Variants in LRRC7 observed in about 807,000 individuals in gnomAD.
LRRC7 encodes leucine rich repeat containing 7, also known as leucine-rich repeat-containing protein 7.
LRRC7 carries 23 observed loss-of-function variants against 175.7 expected under a neutral mutation model. The observed-to-expected ratio is 0.13, with a 90% CI of 0.09 to 0.19. The LOEUF (loss-of-function observed/expected upper bound fraction) is 0.19. Among genes scored for constraint, LRRC7 ranks in the 10% least tolerant of loss-of-function variants. The pLI, the probability that LRRC7 is intolerant of heterozygous loss-of-function variation, is 1.00. For missense variants in LRRC7, 1,354 were observed against 1,904.7 expected (o/e 0.71, Z 5.38); for synonymous variants, 685 against 680.9 (o/e 1.01, Z -0.09).
At chr1:70,106,618 TAAG>T (rs1262211332) in intron 25 of LRRC7, among the ~76,000 whole-genome samples, 1 of 152,204 alleles carries the variant, frequency 6.6e-6, no homozygotes, top group East Asian at 1.9e-4. Flanking sequence ...CTGAAATTAG[TAAG>T]AAGGTTTATG....
intron 2 of LRRC7, among the ~76,000 whole-genome samples, chr1:69,731,835 A>C (rs971792730): frequency 2.0e-5 from 3 of 152,212 alleles, no homozygotes; most frequent in African/African-American, 7.2e-5. Context: ...ATAAGCACTT[A>C]TGAAATAGGA....
At chr1:69,774,428 A>G (rs1672585471) in intron 3 of LRRC7, among the ~76,000 whole-genome samples, 1 of 152,230 alleles carries the variant, frequency 6.6e-6, no homozygotes, top group Admixed American at 6.5e-5. Context: ...TGAGTAGCAT[A>G]TACATAGGAT....
At chr1:69,801,754 T>C (rs922657298) in intron 4 of LRRC7, among the ~76,000 whole-genome samples, 5 of 151,418 alleles carry the variant, frequency 3.3e-5, no homozygotes, top group African/African-American at 9.7e-5. Context: ...TTTCTTGTGC[T>C]GTGTATTTGG....
chr1:69,856,952 G>C (rs1475290041), intron 7 of LRRC7, among the ~76,000 whole-genome samples: 1 of 152,072 alleles, frequency 6.6e-6, no homozygotes, highest in South Asian at 2.1e-4. Flanking sequence ...CGCAAGGCTG[G>C]TTCAACATAC....
chr1:70,100,947 C>T (rs767091342), intron 25 of LRRC7, among the ~76,000 whole-genome samples: 8 of 152,112 alleles, frequency 5.3e-5, no homozygotes, highest in African/African-American at 9.7e-5. Context: ...TTTGTCATCA[C>T]ACTTTTGATT....
intron 23 of LRRC7, among the ~76,000 whole-genome samples, chr1:70,059,474 A>ATGTGTGTGTGTGTGTGT: frequency 1.5e-5 from 2 of 132,290 alleles, no homozygotes; most frequent in South Asian, 5.5e-4. Context: ...ACTAGAAGAA[A>ATGTGTGTGTGTGTGTGT]GTGTGTGTGT....
At chr1:69,747,450 A>G (rs1669378319) in intron 2 of LRRC7, among the ~76,000 whole-genome samples, 1 of 152,144 alleles carries the variant, frequency 6.6e-6, no homozygotes, top group Non-Finnish European at 1.5e-5. Flanking sequence ...TAGTGAAGAT[A>G]GCAGAGAGCC....
intron 3 of LRRC7, among the ~76,000 whole-genome samples, chr1:69,782,404 G>A (rs1403818585): frequency 1.3e-5 from 2 of 152,210 alleles, no homozygotes; most frequent in Non-Finnish European, 2.9e-5. Context: ...TATGCAGGTG[G>A]AGCATGTAAA....
chr1:70,097,499 T>C (rs1215325759), intron 25 of LRRC7, among the ~76,000 whole-genome samples: 3 of 152,294 alleles, frequency 2.0e-5, no homozygotes, highest in East Asian at 3.9e-4. Context: ...TTAGGGTACA[T>C]GTGCACATTG....
chr1:69,626,026 A>ATGTT (rs112268250), intron 1 of LRRC7, among the ~76,000 whole-genome samples: 39 of 152,200 alleles, frequency 2.6e-4, no homozygotes, highest in Admixed American at 1.2e-3. Context: ...ATTTCTCACT[A>ATGTT]TGTAAATGAT....
At chr1:69,808,650 T>C (rs983471881) in intron 4 of LRRC7, among the ~76,000 whole-genome samples, 4 of 152,136 alleles carry the variant, frequency 2.6e-5, no homozygotes, top group Admixed American at 2.6e-4. Flanking sequence ...AACAACCTGC[T>C]CCTGAATGAC....
chr1:69,801,607 CT>C (rs1199915645), intron 4 of LRRC7, among the ~76,000 whole-genome samples: 1 of 151,396 alleles, frequency 6.6e-6, no homozygotes, highest in African/African-American at 2.4e-5. Context: ...CTTTTCTCTC[CT>C]TTTCTTGATT....
intron 26 of LRRC7, among the ~76,000 whole-genome samples, chr1:70,113,140 A>G (rs1373480644): frequency 1.3e-5 from 2 of 152,158 alleles, no homozygotes; most frequent in African/African-American, 2.4e-5. Context: ...ATGTCTGTCT[A>G]TGGCTGGATC....
chr1:69,724,296 C>T (rs975103494), intron 2 of LRRC7, among the ~76,000 whole-genome samples: 18 of 152,098 alleles, frequency 1.2e-4, no homozygotes, highest in Admixed American at 2.6e-4. Context: ...GAACCAAGAT[C>T]ACACCACTGC....
At chr1:70,077,930 A>G (rs961440935) in intron 24 of LRRC7, among the ~76,000 whole-genome samples, 1 of 152,214 alleles carries the variant, frequency 6.6e-6, no homozygotes, top group Non-Finnish European at 1.5e-5. Flanking sequence ...TGTCTGAACT[A>G]TAACTCAGAA....
rs1558083852 is a variant in LRRC7, at chr1:70,118,487, C to T, written c.4621-3293C>T. Among the ~76,000 whole-genome samples, 3 of 152,162 alleles carry T rather than the reference C, an allele frequency of 2.0e-5. No individual in the cohort carries two copies. In the South Asian group the frequency reaches 6.2e-4, roughly 32 times the overall value. ...ATAGTTTGGCAACCACTGTAAAGAGCAGAATTATCTTTGGAGGTGATACAG... is the reference window on the plus strand; with the variant it reads ...ATAGTTTGGCAACCACTGTAAAGAGTAGAATTATCTTTGGAGGTGATACAG... On this transcript the variant is annotated intron_variant, in intron 26 of 26. Transcript: ENST00000651989.
chr1:69,616,893 G>A lies in LRRC7; in HGVS notation c.2+48252G>A, dbSNP rs558502666. ...ACAACCAATCAAACTTCAATGTTTT[G>A]AATATACTACTGGAAAGTGAGAGGA... On this transcript the variant is annotated intron_variant, in intron 1 of 26. Transcript: ENST00000651989. Among the ~76,000 whole-genome samples the A allele has an allele frequency of 2.0e-5, 3 of 152,126 alleles. No individual in the cohort carries two copies. In the South Asian group the frequency reaches 6.2e-4, roughly 32 times the overall value.
intron 7 of LRRC7, among the ~76,000 whole-genome samples, chr1:69,905,225 CA>C (rs1028694126): frequency 3.3e-5 from 5 of 151,076 alleles, no homozygotes; most frequent in African/African-American, 1.2e-4. Flanking sequence ...ATTGCTGGAT[CA>C]AATGGTAATT....
intron 7 of LRRC7, among the ~76,000 whole-genome samples, chr1:69,914,615 T>G (rs1646632025): frequency 6.6e-6 from 1 of 152,172 alleles, no homozygotes; most frequent in Admixed American, 6.6e-5. Context: ...CTAGTGACAA[T>G]TTTATAATAA....
Sources: gnomAD v4.1 joint callset for allele counts (sites outside exome capture counted in the v4.1 genomes callset) on GRCh38, gnomAD v4.1.1 for gene constraint, MANE v1.5 for transcripts, NCBI Gene and HGNC (gene_info 2026-07-23, HGNC 2026-07-21) for gene names.